The following CCSER1 variants were observed in gnomAD, a reference collection of about 807,000 sequenced individuals.
CCSER1 encodes coiled-coil serine rich protein 1, also known as serine-rich coiled-coil domain-containing protein 1.
In CCSER1, 41 loss-of-function variants were observed where a neutral mutation model predicts 82.0. That is an observed-to-expected ratio of 0.50 (90% CI 0.39 to 0.65). The LOEUF is 0.65. Ranked by LOEUF, CCSER1 falls within the 30% of genes least tolerant of loss-of-function variation. The pLI, the probability that CCSER1 is intolerant of heterozygous loss-of-function variation, is 0.00. For synonymous variants in CCSER1, 414 were observed against 383.9 expected, an observed-to-expected ratio of 1.08 and a Z score of -0.92; for missense variants, 1,119 against 1,064.2, an observed-to-expected ratio of 1.05 and a Z score of -0.72.
At chr4:90,533,542 A>C (rs1224845350) in intron 5 of CCSER1, among the ~76,000 whole-genome samples, 3 of 152,190 alleles carry the variant, frequency 2.0e-5, no homozygotes, top group Non-Finnish European at 4.4e-5. Flanking sequence ...TGTAGCTATC[A>C]GTGATTTTTA....
At chr4:90,791,372 C>A (rs2149660848) in intron 7 of CCSER1, among the ~76,000 whole-genome samples, 1 of 152,214 alleles carries the variant, frequency 6.6e-6, no homozygotes, top group East Asian at 1.9e-4. Context: ...GAAGAGTCAA[C>A]AAATGTGGTA....
intron 9 of CCSER1, among the ~76,000 whole-genome samples, chr4:91,032,697 G>T (rs1027737590): frequency 2.6e-5 from 4 of 152,156 alleles, no homozygotes; most frequent in African/African-American, 7.2e-5. Flanking sequence ...GGGGAATAGG[G>T]ATTATATTTC....
At chr4:91,427,150 T>C (rs1285474846) in intron 10 of CCSER1, among the ~76,000 whole-genome samples, 1 of 152,130 alleles carries the variant, frequency 6.6e-6, no homozygotes, top group Non-Finnish European at 1.5e-5. Flanking sequence ...AGGTTGTTTT[T>C]CTGTGAATGA....
intron 10 of CCSER1, among the ~76,000 whole-genome samples, chr4:91,147,110 C>T (rs1285061883): frequency 6.6e-6 from 1 of 152,184 alleles, no homozygotes; most frequent in Non-Finnish European, 1.5e-5. Context: ...TTCCACTGGT[C>T]CTTTGAGCTT....
intron 10 of CCSER1, among the ~76,000 whole-genome samples, chr4:91,225,029 C>T (rs1738035117): frequency 6.7e-6 from 1 of 149,964 alleles, no homozygotes; most frequent in South Asian, 2.1e-4. Flanking sequence ...ATATTTTAAA[C>T]ATATATAAAA....
At chr4:91,296,483 A>ATATTTATTTATTTATT (rs1553921463) in intron 10 of CCSER1, among the ~76,000 whole-genome samples, 2 of 124,066 alleles carry the variant, frequency 1.6e-5, no homozygotes, top group Admixed American at 7.7e-5. Flanking sequence ...ATATATATAT[A>ATATTTATTTATTTATT]TATTTTAATT....
At chr4:90,826,818 C>T (rs980373942) in intron 8 of CCSER1, among the ~76,000 whole-genome samples, 1 of 152,008 alleles carries the variant, frequency 6.6e-6, no homozygotes, top group Admixed American at 6.6e-5. Flanking sequence ...ATATCAATAC[C>T]GAAATAAAAA....
intron 10 of CCSER1, among the ~76,000 whole-genome samples, chr4:91,136,998 T>C (rs1478900438): frequency 7.7e-6 from 1 of 129,362 alleles, no homozygotes; most frequent in Non-Finnish European, 1.6e-5. Flanking sequence ...ATTATAGAAA[T>C]GTTTATAAAA....
At chr4:91,262,201 C>T (rs1581863648) in intron 10 of CCSER1, among the ~76,000 whole-genome samples, 1 of 140,754 alleles carries the variant, frequency 7.1e-6, no homozygotes, top group Non-Finnish European at 1.5e-5. Context: ...GGCTCTGAAA[C>T]CTTGGGCTCT....
intron 1 of CCSER1, among the ~76,000 whole-genome samples, chr4:90,210,671 C>A (rs753430991): frequency 1.3e-5 from 2 of 152,008 alleles, no homozygotes; most frequent in African/African-American, 2.4e-5. Flanking sequence ...TCTAGAACTC[C>A]TGAGCTCAAG....
intron 10 of CCSER1, among the ~76,000 whole-genome samples, chr4:91,145,505 T>C (rs1030240357): frequency 2.0e-5 from 3 of 152,172 alleles, no homozygotes; most frequent in African/African-American, 4.8e-5. Context: ...TGTTGTTAGC[T>C]GGTTGCTTTG....
At chr4:90,765,591 CAT>C (rs1751098580) in intron 7 of CCSER1, among the ~76,000 whole-genome samples, 3 of 152,094 alleles carry the variant, frequency 2.0e-5, no homozygotes, top group South Asian at 2.1e-4. Context: ...TTTTTCGTCT[CAT>C]ATAATTTTTT....
In CCSER1 at chr4:91,063,773, A is replaced by G. The variant is rs539489440; in HGVS notation, c.2173-22177A>G. On this transcript the variant is annotated intron_variant, in intron 9 of 10. Transcript: ENST00000509176. Reference sequence around the variant, plus strand: ...ATCCTAAGTAAATATAATAACGTTCAGCTATATTTCGCACAATTGAATTTA... The same window carrying G: ...ATCCTAAGTAAATATAATAACGTTCGGCTATATTTCGCACAATTGAATTTA... Among the ~76,000 whole-genome samples, 7 of 152,270 alleles carry G rather than the reference A, an allele frequency of 4.6e-5. No homozygotes were observed. In the South Asian group the frequency reaches 1.5e-3, roughly 32 times the overall value.
At chr4:91,263,490 G>A (rs17018289) in intron 10 of CCSER1, among the ~76,000 whole-genome samples, 5,657 of 151,968 alleles carry the variant, frequency 0.037, 150 homozygotes, top group African/African-American at 0.072. Context: ...CACACGGACT[G>A]CAAATTCAGA....
intron 10 of CCSER1, among the ~76,000 whole-genome samples, chr4:91,391,286 G>T (rs1161450676): frequency 6.6e-6 from 1 of 151,906 alleles, no homozygotes; most frequent in Non-Finnish European, 1.5e-5. Context: ...TTTCTCCAGA[G>T]ATTTCACCTA....
intron 7 of CCSER1, among the ~76,000 whole-genome samples, chr4:90,803,185 GT>G (rs1273506915): frequency 3.3e-5 from 5 of 151,632 alleles, no homozygotes; most frequent in Non-Finnish European, 7.4e-5. Flanking sequence ...ATTATTATTT[GT>G]TTTTTATTTG....
chr4:90,569,788 A>G (rs573369113), intron 5 of CCSER1, among the ~76,000 whole-genome samples: 1 of 152,226 alleles, frequency 6.6e-6, no homozygotes, highest in South Asian at 2.1e-4. Context: ...TCCAGGAGAG[A>G]GCAGGGCCAC....
At chr4:90,695,320 C>T (rs1018155324) in intron 6 of CCSER1, among the ~76,000 whole-genome samples, 8 of 151,858 alleles carry the variant, frequency 5.3e-5, no homozygotes, top group Non-Finnish European at 1.2e-4. Flanking sequence ...TAATACTAAG[C>T]ACTCTTTTGG....
chr4:90,672,285 G>A (rs1221420343), intron 6 of CCSER1, among the ~76,000 whole-genome samples: 1 of 152,014 alleles, frequency 6.6e-6, no homozygotes, highest in Non-Finnish European at 1.5e-5. Flanking sequence ...ATCTTAGCTA[G>A]ATCTTCTGGA....
Sources: gnomAD v4.1 joint callset for allele counts (sites outside exome capture counted in the v4.1 genomes callset) on GRCh38, gnomAD v4.1.1 for gene constraint, MANE v1.5 for transcripts, NCBI Gene and HGNC (gene_info 2026-07-23, HGNC 2026-07-21) for gene names.